The following SCAPER variants were observed in gnomAD, a reference collection of about 807,000 sequenced individuals.
SCAPER encodes S-phase cyclin A associated protein in the ER, also known as S phase cyclin A-associated protein in the endoplasmic reticulum.
SCAPER carries 98 observed loss-of-function variants against 182.2 expected under a neutral mutation model. The ratio of observed to expected loss-of-function variants is 0.54; its 90% CI spans 0.46 to 0.64. The LOEUF is 0.64. Ranked by LOEUF, SCAPER falls within the 30% of genes least tolerant of loss-of-function variation. SCAPER has a pLI of 0.00. For synonymous variants in SCAPER, 605 were observed against 564.6 expected (o/e 1.07, Z -1.01); for missense variants, 1,432 against 1,690.0 (o/e 0.85, Z 2.68).
At chr15:76,816,604 C>T (rs2067101109) in intron 5 of SCAPER, among the ~76,000 whole-genome samples, 1 of 151,948 alleles carries the variant, frequency 6.6e-6, no homozygotes, top group Non-Finnish European at 1.5e-5. Context: ...AGAAGGAATA[C>T]ATTCTAAAAT....
intron 20 of SCAPER, among the ~76,000 whole-genome samples, chr15:76,680,411 G>GATAATAATAATAATA (rs10569185): frequency 2.1e-5 from 3 of 142,594 alleles, no homozygotes; most frequent in Admixed American, 1.4e-4. Flanking sequence ...TGATGATGAT[G>GATAATAATAATAATA]ATAATAATAA....
chr15:76,767,627 A>G (rs1044052869), intron 10 of SCAPER, among the ~76,000 whole-genome samples: 1 of 152,132 alleles, frequency 6.6e-6, no homozygotes, highest in Non-Finnish European at 1.5e-5. Context: ...GAAACCCTAA[A>G]TCAAACACTG....
intron 1 of SCAPER, among the ~76,000 whole-genome samples, chr15:76,890,666 G>A (rs903150789): frequency 2.6e-5 from 4 of 152,156 alleles, no homozygotes; most frequent in Admixed American, 1.3e-4. Context: ...TGAAATCGAG[G>A]CAATAATTAA....
intron 5 of SCAPER, among the ~76,000 whole-genome samples, chr15:76,837,960 A>C (rs560698272): frequency 2.6e-5 from 4 of 152,328 alleles, no homozygotes; most frequent in South Asian, 4.1e-4. Flanking sequence ...TGGGAATGTA[A>C]ATTTGTTCAG....
chr15:76,656,748 TAA>T (rs2055672440), intron 21 of SCAPER, among the ~76,000 whole-genome samples: 1 of 152,046 alleles, frequency 6.6e-6, no homozygotes. Context: ...GAAGAGTGCT[TAA>T]AACCATACAA....
At chr15:76,732,085 T>C (rs2060953821) in intron 16 of SCAPER, among the ~76,000 whole-genome samples, 1 of 152,168 alleles carries the variant, frequency 6.6e-6, no homozygotes. Flanking sequence ...GAGAACACAC[T>C]ATCTTTTAGA....
chr15:76,687,478 C>A (rs917918833), intron 20 of SCAPER, among the ~76,000 whole-genome samples: 2 of 152,160 alleles, frequency 1.3e-5, no homozygotes, highest in African/African-American at 4.8e-5. Context: ...GTTTGGGGTA[C>A]ATATGCAGAA....
chr15:76,710,648 ACAT>A (rs1489861389), intron 17 of SCAPER, among the ~76,000 whole-genome samples: 2 of 152,156 alleles, frequency 1.3e-5, no homozygotes, highest in African/African-American at 4.8e-5. Context: ...ACAGAGAGAA[ACAT>A]CATATTCATG....
chr15:76,789,122 T>C (rs1022508431), intron 8 of SCAPER, among the ~76,000 whole-genome samples: 4 of 152,126 alleles, frequency 2.6e-5, no homozygotes, highest in African/African-American at 9.7e-5. Flanking sequence ...AACTGAAAAA[T>C]AATGCCTTAA....
intron 24 of SCAPER, among the ~76,000 whole-genome samples, chr15:76,477,587 T>C (rs2050758115): frequency 6.6e-6 from 1 of 151,974 alleles, no homozygotes; most frequent in South Asian, 2.1e-4. Flanking sequence ...TAAACTGCCC[T>C]CCAGAAAAAA....
chr15:76,612,052 C>T (rs2051046773), intron 22 of SCAPER, among the ~76,000 whole-genome samples: 2 of 152,192 alleles, frequency 1.3e-5, no homozygotes, highest in Admixed American at 6.5e-5. Context: ...AATGCCCTCT[C>T]TCACCACTCC....
At chr15:76,648,246 C>G (rs774477753) in intron 21 of SCAPER, among the ~76,000 whole-genome samples, 7 of 149,244 alleles carry the variant, frequency 4.7e-5, no homozygotes, top group Admixed American at 4.7e-4. Context: ...CCAAATGGAA[C>G]TCCTGGAGAT....
At position 76,774,755 on chromosome 15, in the gene SCAPER, C is replaced by T. The variant is rs2063649496; in HGVS notation, c.1035+100G>A. ...AGGTCTATAGACCTGAAAATTTTCA[C>T]AGTAAGTTAAAAAATGAAGTACAAA... On this transcript the variant is annotated intron_variant, in intron 9 of 31. Coordinates refer to ENST00000563290, the MANE Select transcript of SCAPER (RefSeq NM_020843.4). 3.0e-6 allele frequency: 4 copies of T among 1,315,156 alleles called. No homozygotes were observed. The South Asian group carries it at 4.8e-5, about 16-fold the overall frequency. The allele number at this position is 1,315,156 out of a possible 1,614,324, so 81.5% of individuals were successfully genotyped here. A position where few individuals can be genotyped will look rare whatever the true frequency, so the allele number is the denominator to read the frequency against.
intron 29 of SCAPER, among the ~76,000 whole-genome samples, chr15:76,367,238 C>G (rs903340159): frequency 6.6e-6 from 1 of 152,206 alleles, no homozygotes; most frequent in African/African-American, 2.4e-5. Flanking sequence ...GCAGTCCTGA[C>G]TGCTGTACCA....
In SCAPER at chr15:76,738,518, A is replaced by C. The variant is rs936106297; in HGVS notation, c.1867-5134T>G. Among the ~76,000 whole-genome samples, 9 of 144,462 alleles carry C rather than the reference A, an allele frequency of 6.2e-5. 1 individual carries two copies. The highest frequency in any genetic ancestry group is 2.3e-4 in the African/African-American group (9 of 38,724). 94.8% of individuals were successfully genotyped at this position (144,462 alleles called of 152,430 possible). A position where few individuals can be genotyped will look rare whatever the true frequency, so the allele number is the denominator to read the frequency against. On this transcript the variant is annotated intron_variant, in intron 15 of 31. Transcript: ENST00000563290. ...ACGCCACTGCACTCCATCCAGCCTA[A>C]GCAACAAAGCGAGACTCTGTCTCAA... is the stretch of plus-strand genomic sequence containing the variant.
chr15:76,364,619 A>G (rs896375633), intron 29 of SCAPER, among the ~76,000 whole-genome samples: 4 of 152,176 alleles, frequency 2.6e-5, no homozygotes, highest in Non-Finnish European at 5.9e-5. Context: ...TAGCAGAGGA[A>G]TGCAAAAAAG....
In SCAPER at chr15:76,369,794, C is replaced by A. The variant is rs149224425; in HGVS notation, c.3855+6368G>T. Among the ~76,000 whole-genome samples, 192 of 152,326 alleles carry A rather than the reference C, an allele frequency of 1.3e-3. 3 individuals are homozygous for A. The highest frequency in any genetic ancestry group is 4.9e-4 in the Non-Finnish European group (33 of 68,036). On this transcript the variant is annotated intron_variant, in intron 29 of 31. Coordinates refer to ENST00000563290, the MANE Select transcript of SCAPER (RefSeq NM_020843.4). ...TCTATTGGGATATGAGCAGTTATCA[C>A]CTCAGCAAGCTGTGGCTATTCCTAT... is the stretch of plus-strand genomic sequence containing the variant.
In SCAPER at chr15:76,596,804, G is replaced by A. The variant is rs770149044; in HGVS notation, c.2712-22520C>T. On this transcript the variant is annotated intron_variant, in intron 22 of 31. Coordinates refer to ENST00000563290, the MANE Select transcript of SCAPER (RefSeq NM_020843.4). The stretch of plus-strand genomic sequence containing the variant: ...TCAATAAAGTAGGTATTGATGGAAT[G>A]TATCTCAAAATAATAAGAGCTATTT... Among the ~76,000 whole-genome samples, 5 of 121,204 alleles carry A rather than the reference G, an allele frequency of 4.1e-5. 2 individuals carry two copies. Among genetic ancestry groups the A allele is most frequent in the Non-Finnish European group, 1.0e-4 (5 of 50,006 alleles). The allele number at this position is 121,204 out of a possible 152,430, so 79.5% of individuals were successfully genotyped here. A position where few individuals can be genotyped will look rare whatever the true frequency, so the allele number is the denominator to read the frequency against.
chr15:76,473,660 C>A (rs2050380913), intron 24 of SCAPER, among the ~76,000 whole-genome samples: 1 of 152,166 alleles, frequency 6.6e-6, no homozygotes, highest in South Asian at 2.1e-4. Context: ...CTAACCCAGA[C>A]CTAGTAAACA....
Sources: allele counts gnomAD v4.1 joint callset (sites outside exome capture counted in the v4.1 genomes callset), GRCh38; gene constraint gnomAD v4.1.1; transcripts MANE v1.5; gene names NCBI Gene and HGNC (gene_info 2026-07-23, HGNC 2026-07-21).